The following MACROD2 variants were observed in gnomAD, a reference collection of about 807,000 sequenced individuals.
MACROD2 encodes the protein mono-ADP ribosylhydrolase 2.
MACROD2 carries 36 observed loss-of-function variants against 70.4 expected under a neutral mutation model. That is an observed-to-expected ratio of 0.51 (90% confidence interval 0.39 to 0.68). MACROD2 has a LOEUF of 0.68. MACROD2 is among the 30% of genes least tolerant of loss of function. The pLI is 0.00. For synonymous variants in MACROD2, 172 were observed against 178.8 expected (o/e 0.96, Z 0.30); for missense variants, 496 against 538.4 (o/e 0.92, Z 0.78).
chr20:15,857,362 C>G (rs149128412), intron 8 of MACROD2, among the ~76,000 whole-genome samples: 4 of 152,296 alleles, frequency 2.6e-5, no homozygotes, highest in Non-Finnish European at 5.9e-5. Context: ...CAAGGGAAAA[C>G]TGGAATCCAC....
chr20:15,102,920 C>CA lies in MACROD2; in HGVS notation c.419-127012dup, dbSNP rs759445913. Among the ~76,000 whole-genome samples, 178 of 150,860 alleles carry CA rather than the reference C, an allele frequency of 1.2e-3. 2 individuals carry two copies. The highest frequency in any genetic ancestry group is 2.7e-4 in the Non-Finnish European group (18 of 67,620). On this transcript the variant is annotated intron_variant, in intron 5 of 17. Coordinates refer to ENST00000684519, the MANE Select transcript of MACROD2 (RefSeq NM_001351661.2). ...TATCAAAAGCATAATTGTGAGTTTGCAAAAAAAAGCAAGTTGACCAAACTA... is the reference window on the plus strand; with the variant it reads ...TATCAAAAGCATAATTGTGAGTTTGCAAAAAAAAAGCAAGTTGACCAAACTA...
chr20:14,486,659 C>T (rs563921527), intron 3 of MACROD2, among the ~76,000 whole-genome samples: 1 of 151,898 alleles, frequency 6.6e-6, no homozygotes, highest in African/African-American at 2.4e-5. Flanking sequence ...GCTGGGATTA[C>T]AGGCGTGTGC....
At chr20:14,881,199 C>T (rs2073607290) in intron 5 of MACROD2, among the ~76,000 whole-genome samples, 1 of 151,462 alleles carries the variant, frequency 6.6e-6, no homozygotes, top group African/African-American at 2.4e-5. Flanking sequence ...CCATTCTCTT[C>T]CTGCTGGAAT....
chr20:15,441,529 A>C (rs1600415653), intron 7 of MACROD2, among the ~76,000 whole-genome samples: 1 of 152,308 alleles, frequency 6.6e-6, no homozygotes, highest in East Asian at 1.9e-4. Flanking sequence ...TTGGGACTTA[A>C]TTAAAAGATT....
At chr20:15,818,983 T>C (rs1029378702) in intron 8 of MACROD2, among the ~76,000 whole-genome samples, 4 of 152,056 alleles carry the variant, frequency 2.6e-5, no homozygotes, top group South Asian at 4.2e-4. Flanking sequence ...CAACTAGTAA[T>C]TGGAGAAGCA....
chr20:15,029,467 A>T (rs1395449194), intron 5 of MACROD2, among the ~76,000 whole-genome samples: 1 of 152,170 alleles, frequency 6.6e-6, no homozygotes, highest in Non-Finnish European at 1.5e-5. Flanking sequence ...AGACTTTCTG[A>T]TTCAGAAGGA....
At chr20:15,293,026 A>G (rs894731376) in intron 6 of MACROD2, among the ~76,000 whole-genome samples, 2 of 152,196 alleles carry the variant, frequency 1.3e-5, no homozygotes, top group African/African-American at 4.8e-5. Flanking sequence ...CTTTAGTGAC[A>G]GAGAACTCAC....
chr20:15,276,712 A>G (rs2077396701), intron 6 of MACROD2, among the ~76,000 whole-genome samples: 1 of 152,210 alleles, frequency 6.6e-6, no homozygotes, highest in Non-Finnish European at 1.5e-5. Flanking sequence ...GAAAGCATAT[A>G]TATTTCAAAA....
At chr20:15,838,863 A>C (rs1369747175) in intron 8 of MACROD2, among the ~76,000 whole-genome samples, 1 of 133,542 alleles carries the variant, frequency 7.5e-6, no homozygotes, top group African/African-American at 3.0e-5. Context: ...GCATTTATAA[A>C]AATAAGAATG....
chr20:15,469,579 G>T (rs555767004), intron 7 of MACROD2, among the ~76,000 whole-genome samples: 2 of 152,130 alleles, frequency 1.3e-5, no homozygotes, highest in Non-Finnish European at 2.9e-5. Context: ...AAGCAGAGGA[G>T]GGGGAGAGAA....
chr20:15,224,522 C>G (rs2076888619), intron 5 of MACROD2, among the ~76,000 whole-genome samples: 1 of 152,148 alleles, frequency 6.6e-6, no homozygotes, highest in Admixed American at 6.5e-5. Flanking sequence ...CTCTGGGTTG[C>G]TTGAAAAGTA....
intron 3 of MACROD2, among the ~76,000 whole-genome samples, chr20:14,152,989 A>T (rs909004451): frequency 2.0e-5 from 3 of 152,226 alleles, no homozygotes; most frequent in Non-Finnish European, 2.9e-5. Flanking sequence ...ATAAATTTAA[A>T]TTGGGATGAA....
chr20:14,945,227 C>T (rs2074421863), intron 5 of MACROD2, among the ~76,000 whole-genome samples: 1 of 151,880 alleles, frequency 6.6e-6, no homozygotes, highest in Non-Finnish European at 1.5e-5. Flanking sequence ...AAGCGATTCT[C>T]CTGCCTCAGC....
intron 5 of MACROD2, among the ~76,000 whole-genome samples, chr20:15,130,493 G>A (rs2076097332): frequency 6.6e-6 from 1 of 151,932 alleles, no homozygotes; most frequent in Admixed American, 6.6e-5. Flanking sequence ...AAGCTAATGA[G>A]GCAGGCTGAG....
chr20:14,103,349 C>G (rs1601227417), intron 3 of MACROD2, among the ~76,000 whole-genome samples: 2 of 152,118 alleles, frequency 1.3e-5, no homozygotes, highest in Admixed American at 6.5e-5. Flanking sequence ...CTAAAAAATG[C>G]AAGGGAAACT....
At chr20:14,009,871 A>G (rs1180805239) in intron 2 of MACROD2, among the ~76,000 whole-genome samples, 3 of 152,210 alleles carry the variant, frequency 2.0e-5, no homozygotes, top group Non-Finnish European at 4.4e-5. Flanking sequence ...TAACGCAGTA[A>G]CAGAAAACCA....
intron 3 of MACROD2, among the ~76,000 whole-genome samples, chr20:14,204,462 A>G (rs906361793): frequency 1.6e-5 from 2 of 128,106 alleles, no homozygotes; most frequent in African/African-American, 5.9e-5. Flanking sequence ...GTGCTGTACC[A>G]TAGCTGCTTC....
chr20:14,272,344 A>G (rs1568531462), intron 3 of MACROD2, among the ~76,000 whole-genome samples: 1 of 152,198 alleles, frequency 6.6e-6, no homozygotes, highest in Non-Finnish European at 1.5e-5. Flanking sequence ...AATATTCAAC[A>G]TTCTTAAAGA....
intron 3 of MACROD2, among the ~76,000 whole-genome samples, chr20:14,130,087 G>A (rs2054698744): frequency 6.6e-6 from 1 of 152,158 alleles, no homozygotes. Flanking sequence ...GTGTCTACAA[G>A]AATCTTACCA....
Sources: gnomAD v4.1 joint callset for allele counts (sites outside exome capture counted in the v4.1 genomes callset) on GRCh38, gnomAD v4.1.1 for gene constraint, MANE v1.5 for transcripts, NCBI Gene and HGNC (gene_info 2026-07-23, HGNC 2026-07-21) for gene names.